Variants in APBA2 observed in about 807,000 individuals in gnomAD.
The protein encoded by APBA2 is amyloid beta precursor protein binding family A member 2, also known as amyloid-beta A4 precursor protein-binding family A member 2.
A neutral mutation model predicts 75.0 loss-of-function variants in APBA2; 30 were observed. The observed-to-expected ratio is 0.40, with a 90% confidence interval of 0.30 to 0.54. The LOEUF is 0.54. Among genes scored for constraint, APBA2 ranks in the 20% least tolerant of loss-of-function variants. APBA2 has a pLI of 0.49. For missense variants in APBA2, 801 were observed against 1,016.1 expected (o/e 0.79, Z 2.88); for synonymous variants, 444 against 409.6 (o/e 1.08, Z -1.01).
intron 12 of APBA2, among the ~76,000 whole-genome samples, chr15:29,107,452 C>G (rs1481042198): frequency 6.6e-6 from 1 of 152,198 alleles, no homozygotes; most frequent in Non-Finnish European, 1.5e-5. Context: ...GCCCCCAGCC[C>G]TCTGTGGCAT....
intron 2 of APBA2, among the ~76,000 whole-genome samples, chr15:28,954,496 C>T (rs1007319080): frequency 7.2e-5 from 11 of 152,166 alleles, no homozygotes; most frequent in Admixed American, 7.2e-4. Context: ...CTTCTGCGGA[C>T]TTTGGTACTG....
chr15:28,967,785 G>T (rs753874936), intron 2 of APBA2, among the ~76,000 whole-genome samples: 40 of 152,014 alleles, frequency 2.6e-4, no homozygotes, highest in Non-Finnish European at 2.4e-4. Context: ...TCTTAATTGT[G>T]GCAAGAGATA....
intron 8 of APBA2, among the ~76,000 whole-genome samples, chr15:29,094,785 T>A (rs768195132): frequency 3.3e-5 from 5 of 152,128 alleles, no homozygotes; most frequent in African/African-American, 4.8e-5. Flanking sequence ...TTGGGCTGGG[T>A]GCTGTGGCTC....
At chr15:28,957,283 G>A (rs1253802754) in intron 2 of APBA2, among the ~76,000 whole-genome samples, 1 of 151,866 alleles carries the variant, frequency 6.6e-6, no homozygotes, top group East Asian at 1.9e-4. Context: ...CACTGTGTTA[G>A]CCACGATGGT....
At chr15:29,091,331 GGGGCACGCA>G (rs2043562082) in intron 6 of APBA2, among the ~76,000 whole-genome samples, 5 of 152,140 alleles carry the variant, frequency 3.3e-5, no homozygotes, top group African/African-American at 1.2e-4. Flanking sequence ...TCTGACCCCA[GGGGCACGCA>G]GACCCACTAC....
At chr15:29,065,892 G>A (rs748753845) in intron 4 of APBA2, among the ~76,000 whole-genome samples, 43 of 152,350 alleles carry the variant, frequency 2.8e-4, no homozygotes, top group African/African-American at 1.0e-3. Context: ...CTGGTCTGCT[G>A]TGGGTGCAGC....
At chr15:29,068,113 G>A (rs548755606) in intron 4 of APBA2, among the ~76,000 whole-genome samples, 9 of 152,314 alleles carry the variant, frequency 5.9e-5, no homozygotes, top group African/African-American at 1.9e-4. Context: ...TGCAGGGCTC[G>A]AGGCCAAGTG....
chr15:28,969,382 A>G (rs2036942288), intron 2 of APBA2, among the ~76,000 whole-genome samples: 1 of 151,824 alleles, frequency 6.6e-6, no homozygotes, highest in South Asian at 2.1e-4. Flanking sequence ...GGTTTCACCT[A>G]TAGGCCAGGC....
At chr15:28,936,238 G>C (rs983863369) in intron 2 of APBA2, among the ~76,000 whole-genome samples, 2 of 152,202 alleles carry the variant, frequency 1.3e-5, no homozygotes, top group Non-Finnish European at 2.9e-5. Flanking sequence ...TGCACATTTA[G>C]TTCTTGAGTG....
At chr15:29,031,290 A>G (rs542054595) in intron 3 of APBA2, among the ~76,000 whole-genome samples, 1 of 152,310 alleles carries the variant, frequency 6.6e-6, no homozygotes, top group East Asian at 1.9e-4. Flanking sequence ...AACAAAACAC[A>G]GACTTGGTGT....
intron 1 of APBA2, among the ~76,000 whole-genome samples, chr15:28,906,459 A>G (rs1474884815): frequency 2.0e-5 from 3 of 152,342 alleles, no homozygotes; most frequent in African/African-American, 4.8e-5. Flanking sequence ...AGTCTCGTAC[A>G]TTAAACTCTT....
chr15:28,977,863 G>C (rs146088665), intron 2 of APBA2, among the ~76,000 whole-genome samples: 4 of 152,130 alleles, frequency 2.6e-5, no homozygotes, highest in Admixed American at 6.5e-5. Context: ...ATACAGTCGG[G>C]TGTGGAGCAG....
intron 1 of APBA2, among the ~76,000 whole-genome samples, chr15:28,910,472 G>A (rs2033378544): frequency 6.6e-6 from 1 of 152,170 alleles, no homozygotes. Flanking sequence ...AGTCAGATGG[G>A]ACCAGCATTT....
At chr15:29,004,684 A>G (rs1367619602) in intron 3 of APBA2, among the ~76,000 whole-genome samples, 2 of 151,802 alleles carry the variant, frequency 1.3e-5, no homozygotes, top group Non-Finnish European at 2.9e-5. Flanking sequence ...CATTTATTTT[A>G]TTTTTATTTT....
chr15:29,107,008 T>G (rs1336965013), intron 12 of APBA2, among the ~76,000 whole-genome samples, 189 bp downstream of exon 12: 1 of 152,050 alleles, frequency 6.6e-6, no homozygotes, highest in East Asian at 1.9e-4. Context: ...TCCCCATGTC[T>G]GAATCAGAGG....
rs2038031433 is a variant in APBA2 at position 28,988,262 on chromosome 15, G to A, written c.-94-7491G>A. On this transcript the variant is annotated intron_variant, in intron 2 of 14. Coordinates refer to ENST00000683413, the MANE Select transcript of APBA2 (RefSeq NM_001353788.2). Reference sequence around the variant, plus strand: ...ATATCACCTTGTATTTTTTTCTGTAGTGTGCCTTTTTTTTTTTTTGAGATG... The same window carrying A: ...ATATCACCTTGTATTTTTTTCTGTAATGTGCCTTTTTTTTTTTTTGAGATG... 2.0e-5 allele frequency among the ~76,000 whole-genome samples: 3 copies of A among 150,572 alleles called. No homozygotes were observed. In the South Asian group the frequency reaches 6.3e-4, roughly 32 times the overall value.
chr15:28,937,978 A>G (rs534862255), intron 2 of APBA2, among the ~76,000 whole-genome samples: 1 of 152,258 alleles, frequency 6.6e-6, no homozygotes, highest in African/African-American at 2.4e-5. Flanking sequence ...TATTTCGTTC[A>G]TTAGAAGTAA....
chr15:29,116,067 G>A (rs117779353), intron 14 of APBA2, among the ~76,000 whole-genome samples: 1 of 151,128 alleles, frequency 6.6e-6, no homozygotes, highest in East Asian at 2.0e-4. Flanking sequence ...CTCCCTTTCC[G>A]TTCTTGAAGC....
chr15:29,019,266 A>G (rs2039832129), intron 3 of APBA2, among the ~76,000 whole-genome samples: 1 of 152,186 alleles, frequency 6.6e-6, no homozygotes, highest in Non-Finnish European at 1.5e-5. Flanking sequence ...CATTCTTCGA[A>G]GGAGGAAGGT....
Sources: allele counts gnomAD v4.1 joint callset (sites outside exome capture counted in the v4.1 genomes callset), GRCh38; gene constraint gnomAD v4.1.1; transcripts MANE v1.5; gene names NCBI Gene and HGNC (gene_info 2026-07-23, HGNC 2026-07-21).